Variants in CTNNA2 observed in about 807,000 individuals in gnomAD.
The protein encoded by CTNNA2 is catenin alpha-2.
A neutral mutation model predicts 101.0 loss-of-function variants in CTNNA2; 42 were observed. The ratio of observed to expected loss-of-function variants is 0.42; its 90% CI spans 0.32 to 0.54. CTNNA2 has a LOEUF of 0.54. Among genes scored for constraint, CTNNA2 ranks in the 20% least tolerant of loss-of-function variants. The pLI is 0.14. For synonymous variants in CTNNA2, 450 were observed against 456.4 expected (o/e 0.99, Z 0.18); for missense variants, 871 against 1,223.1 (o/e 0.71, Z 4.29).
At chr2:79,823,289 A>G (rs1291216332) in intron 3 of CTNNA2, among the ~76,000 whole-genome samples, 1 of 152,194 alleles carries the variant, frequency 6.6e-6, no homozygotes, top group Non-Finnish European at 1.5e-5. Flanking sequence ...ATATTTGTGA[A>G]TATCTATTAA....
At chr2:79,538,478 A>T (rs907901917) in intron 1 of CTNNA2, among the ~76,000 whole-genome samples, 1 of 152,192 alleles carries the variant, frequency 6.6e-6, no homozygotes, top group Non-Finnish European at 1.5e-5. Flanking sequence ...TGTAATAGTG[A>T]TACAAAATAC....
intron 7 of CTNNA2, among the ~76,000 whole-genome samples, chr2:80,226,450 C>T (rs1708894487): frequency 6.6e-6 from 1 of 152,214 alleles, no homozygotes; most frequent in African/African-American, 2.4e-5. Context: ...GCAGGTGCCA[C>T]ATCGGCACAG....
intron 7 of CTNNA2, among the ~76,000 whole-genome samples, chr2:80,343,893 A>G (rs963647793): frequency 2.6e-5 from 4 of 152,144 alleles, no homozygotes; most frequent in Non-Finnish European, 4.4e-5. Flanking sequence ...TCCCTCACAC[A>G]CTTATATATA....
intron 7 of CTNNA2, among the ~76,000 whole-genome samples, chr2:80,308,031 T>C (rs1479402495): frequency 1.3e-5 from 2 of 152,220 alleles, no homozygotes; most frequent in Non-Finnish European, 2.9e-5. Flanking sequence ...GAAGTATAGC[T>C]TGACGGAGGG....
intron 7 of CTNNA2, among the ~76,000 whole-genome samples, chr2:80,278,960 G>C (rs953547220): frequency 1.3e-5 from 2 of 151,696 alleles, no homozygotes; most frequent in African/African-American, 2.4e-5. Flanking sequence ...GTGAGACTCT[G>C]TCTCTTACAA....
In CTNNA2 at chr2:80,200,909, A is replaced by T. The variant is rs1474356607; in HGVS notation, c.1057-192302A>T. 2.0e-5 allele frequency among the ~76,000 whole-genome samples: 3 copies of T among 151,498 alleles called. No individual in the cohort carries two copies. The East Asian group carries it at 5.8e-4, about 30-fold the overall frequency. On this transcript the variant is annotated intron_variant, in intron 7 of 18. Transcript: ENST00000402739. ...TACCTTCTCAGTGTCTTGGGATGGG[A>T]TCCATGATACCTGAGGAAGTAACAA...
At chr2:79,963,141 A>G (rs1689778979) in intron 7 of CTNNA2, among the ~76,000 whole-genome samples, 1 of 151,196 alleles carries the variant, frequency 6.6e-6, no homozygotes, top group South Asian at 2.1e-4. Flanking sequence ...TTGCCTAAAG[A>G]TTGTGTTCTA....
intron 1 of CTNNA2, chr2:79,573,812 T>G (rs1326713388): frequency 3.3e-5 from 5 of 152,214 alleles, no homozygotes; most frequent in Non-Finnish European, 7.3e-5. Context: ...ATTGGTGGTA[T>G]AAGGCCTACT....
chr2:80,467,553 T>G (rs1353266920), intron 9 of CTNNA2, among the ~76,000 whole-genome samples: 1 of 152,224 alleles, frequency 6.6e-6, no homozygotes, highest in Admixed American at 6.5e-5. Context: ...CCATTATTTC[T>G]ACGAAAACAA....
intron 3 of CTNNA2, among the ~76,000 whole-genome samples, chr2:79,855,964 T>G (rs2103937489): frequency 6.6e-6 from 1 of 152,302 alleles, no homozygotes; most frequent in Middle Eastern, 3.4e-3. Flanking sequence ...GCCAATGACT[T>G]TTTTTATTTG....
At chr2:79,349,506 C>A (rs544908491) in intron 3 of CTNNA2, among the ~76,000 whole-genome samples, 1 of 152,296 alleles carries the variant, frequency 6.6e-6, no homozygotes, top group East Asian at 1.9e-4. Flanking sequence ...GAAACACAAA[C>A]TATTCTGATT....
intron 9 of CTNNA2, among the ~76,000 whole-genome samples, chr2:80,463,923 G>T (rs1406128261): frequency 6.6e-6 from 1 of 152,150 alleles, no homozygotes; most frequent in Non-Finnish European, 1.5e-5. Context: ...TTAGGGACTT[G>T]TAGCTCATGG....
intron 7 of CTNNA2, among the ~76,000 whole-genome samples, chr2:79,926,380 TAA>T (rs1375972906): frequency 1.3e-5 from 2 of 152,146 alleles, no homozygotes; most frequent in African/African-American, 4.8e-5. Context: ...GCAGCATACA[TAA>T]GTTATAATAT....
intron 7 of CTNNA2, among the ~76,000 whole-genome samples, chr2:80,106,176 G>A (rs528326984): frequency 1.3e-5 from 2 of 152,208 alleles, no homozygotes; most frequent in East Asian, 1.9e-4. Context: ...GCCACTGATC[G>A]TGCCTCTACA....
At chr2:80,122,720 G>A (rs78864197) in intron 7 of CTNNA2, among the ~76,000 whole-genome samples, 10,165 of 152,106 alleles carry the variant, frequency 0.067, 359 homozygotes, top group African/African-American at 0.085. Context: ...TATAGGTATC[G>A]CCATAGGTAC....
chr2:79,674,280 AG>A, intron 2 of CTNNA2, among the ~76,000 whole-genome samples: 1 of 152,304 alleles, frequency 6.6e-6, no homozygotes, highest in East Asian at 1.9e-4. Flanking sequence ...CTGGGCCTTG[AG>A]GGTAGAATTT....
At chr2:80,581,442 T>C (rs1410443668) in intron 13 of CTNNA2, among the ~76,000 whole-genome samples, 1 of 152,190 alleles carries the variant, frequency 6.6e-6, no homozygotes, top group Non-Finnish European at 1.5e-5. Flanking sequence ...TCATTTTTCT[T>C]AAAATTAGCA....
At chr2:79,812,784 C>G (rs773275950) in intron 3 of CTNNA2, among the ~76,000 whole-genome samples, 2 of 152,124 alleles carry the variant, frequency 1.3e-5, no homozygotes, top group African/African-American at 2.4e-5. Flanking sequence ...GAGAGACCTG[C>G]TGGGTGATAG....
intron 7 of CTNNA2, among the ~76,000 whole-genome samples, chr2:80,022,261 G>A (rs1694620109): frequency 6.6e-6 from 1 of 152,172 alleles, no homozygotes; most frequent in East Asian, 1.9e-4. Flanking sequence ...ACATGGAGGT[G>A]GGCCCTGGAG....
Sources: allele counts gnomAD v4.1 joint callset (sites outside exome capture counted in the v4.1 genomes callset), GRCh38; gene constraint gnomAD v4.1.1; transcripts MANE v1.5; gene names NCBI Gene and HGNC (gene_info 2026-07-23, HGNC 2026-07-21).